Variants in LDAH observed in about 807,000 individuals in gnomAD.
The protein encoded by LDAH is lipid droplet associated hydrolase, also known as lipid droplet-associated hydrolase.
A neutral mutation model predicts 29.6 loss-of-function variants in LDAH; 26 were observed. The observed-to-expected ratio is 0.88, with a 90% confidence interval of 0.64 to 1.22. The LOEUF is 1.22. LDAH is among the 50% of genes most tolerant of loss of function. The pLI is 0.00. For missense variants in LDAH, 344 were observed against 387.3 expected, an observed-to-expected ratio of 0.89 and a Z score of 0.94; for synonymous variants, 117 against 133.0, an observed-to-expected ratio of 0.88 and a Z score of 0.83.
intron 5 of LDAH, among the ~76,000 whole-genome samples, chr2:20,710,102 T>C (rs1345408155): frequency 6.6e-6 from 1 of 151,876 alleles, no homozygotes; most frequent in Non-Finnish European, 1.5e-5. Flanking sequence ...TTGAAGCCAA[T>C]AAAATAATCA....
intron 5 of LDAH, among the ~76,000 whole-genome samples, chr2:20,714,747 T>C (rs1412921059): frequency 3.3e-5 from 5 of 152,174 alleles, no homozygotes; most frequent in Non-Finnish European, 5.9e-5. Flanking sequence ...GAGAATACTA[T>C]AAACACTTCT....
intron 2 of LDAH, among the ~76,000 whole-genome samples, chr2:20,794,091 A>G (rs1572645587): frequency 6.6e-6 from 1 of 152,318 alleles, no homozygotes; most frequent in South Asian, 2.1e-4. Context: ...ATGGCTGAGG[A>G]CACTTCACAA....
At chr2:20,747,028 A>G (rs1667615759) in intron 4 of LDAH, among the ~76,000 whole-genome samples, 1 of 152,070 alleles carries the variant, frequency 6.6e-6, no homozygotes, top group African/African-American at 2.4e-5. Context: ...ATTTATTATT[A>G]TTGTTGTAAT....
rs1222640062 is a variant in LDAH, at chr2:20,684,869, C to G, written c.*2034G>C. ...TCTTCCACTGTTTGTCCATTTTAGT[C>G]TAATCCCTAATGAAACAGAATGAAC... On this transcript the variant is annotated 3_prime_UTR_variant, in exon 7 of 7. Coordinates refer to ENST00000237822, the MANE Select transcript of LDAH (RefSeq NM_021925.4). 1 of 1,547,050 alleles carries G rather than the reference C, an allele frequency of 6.5e-7. No individual in the cohort carries two copies. The highest frequency in any genetic ancestry group is 8.7e-7 in the Non-Finnish European group (1 of 1,145,514).
chr2:20,776,898 G>C (rs1290429129), intron 3 of LDAH, among the ~76,000 whole-genome samples: 11 of 152,164 alleles, frequency 7.2e-5, no homozygotes, highest in Admixed American at 6.5e-5. Context: ...GCAGTACAAA[G>C]ATAAACGGGC....
intron 2 of LDAH, among the ~76,000 whole-genome samples, chr2:20,796,815 CTT>C (rs1013633489): frequency 8.5e-5 from 13 of 152,166 alleles, no homozygotes; most frequent in Non-Finnish European, 1.3e-4. Flanking sequence ...GGCCTAGTAT[CTT>C]TTCATGAGCT....
chr2:20,770,150 C>T (rs915959588), intron 4 of LDAH, among the ~76,000 whole-genome samples: 3 of 151,996 alleles, frequency 2.0e-5, no homozygotes, highest in Non-Finnish European at 4.4e-5. Flanking sequence ...TTGCTGAAGG[C>T]AGATAAGTAA....
intron 6 of LDAH, among the ~76,000 whole-genome samples, chr2:20,701,233 T>C (rs978923870): frequency 1.3e-5 from 2 of 152,178 alleles, no homozygotes; most frequent in African/African-American, 4.8e-5. Flanking sequence ...TTTTCCACTG[T>C]TTCATTTATA....
At chr2:20,813,598 T>C (rs990640703) in intron 1 of LDAH, among the ~76,000 whole-genome samples, 2 of 152,332 alleles carry the variant, frequency 1.3e-5, no homozygotes, top group African/African-American at 4.8e-5. Context: ...CTTTTGTTTT[T>C]ATAGGCCAGA....
At chr2:20,755,747 C>A (rs1668298326) in intron 4 of LDAH, among the ~76,000 whole-genome samples, 1 of 152,194 alleles carries the variant, frequency 6.6e-6, no homozygotes, top group Admixed American at 6.5e-5. Flanking sequence ...GGAAAAGGAA[C>A]ATCATAAAAA....
intron 6 of LDAH, among the ~76,000 whole-genome samples, chr2:20,694,359 C>T (rs906310210): frequency 3.9e-5 from 6 of 152,150 alleles, no homozygotes; most frequent in Admixed American, 6.5e-5. Context: ...TAAAGGAAAC[C>T]GATTCTGTGA....
intron 3 of LDAH, among the ~76,000 whole-genome samples, chr2:20,785,424 C>G (rs1474318085): frequency 6.6e-6 from 1 of 152,212 alleles, no homozygotes; most frequent in Non-Finnish European, 1.5e-5. Flanking sequence ...TAATTCTCAT[C>G]TTCGTTCTTC....
chr2:20,794,829 T>A (rs1207207295), intron 2 of LDAH, among the ~76,000 whole-genome samples: 1 of 152,128 alleles, frequency 6.6e-6, no homozygotes, highest in Admixed American at 6.6e-5. Context: ...GGCACTCACA[T>A]ACAATAAATC....
At chr2:20,736,528 T>C (rs1415222089) in intron 5 of LDAH, among the ~76,000 whole-genome samples, 1 of 152,062 alleles carries the variant, frequency 6.6e-6, no homozygotes, top group African/African-American at 2.4e-5. Flanking sequence ...GACCAAAATA[T>C]ACCATCCCTA....
intron 5 of LDAH, among the ~76,000 whole-genome samples, chr2:20,715,040 A>G (rs1209877856): frequency 2.6e-5 from 4 of 152,176 alleles, no homozygotes; most frequent in African/African-American, 7.2e-5. Flanking sequence ...TATGAGGTCA[A>G]CATCATCCTG....
chr2:20,763,996 C>T (rs189220137), intron 4 of LDAH, among the ~76,000 whole-genome samples: 2 of 149,966 alleles, frequency 1.3e-5, no homozygotes, highest in African/African-American at 2.5e-5. Context: ...TTGAGAAAAA[C>T]ATATTAAGTC....
intron 2 of LDAH, among the ~76,000 whole-genome samples, chr2:20,795,807 A>G (rs1671264466): frequency 6.6e-6 from 1 of 152,226 alleles, no homozygotes; most frequent in Admixed American, 6.5e-5. Context: ...TGCAAAAGCA[A>G]TGTGATTTAA....
At chr2:20,684,028 T>C (rs1386169377), downstream of LDAH, 1 of 152,188 alleles carries the variant, frequency 6.6e-6, no homozygotes, top group Non-Finnish European at 1.5e-5. Context: ...GGAGATAGCA[T>C]GGTGGGGTTT....
intron 4 of LDAH, among the ~76,000 whole-genome samples, chr2:20,767,044 C>T (rs1400624093): frequency 1.3e-5 from 2 of 152,212 alleles, no homozygotes; most frequent in Admixed American, 1.3e-4. Flanking sequence ...TGGGCAGGGC[C>T]ACAATCTGGG....
Sources: gnomAD v4.1 joint callset for allele counts (sites outside exome capture counted in the v4.1 genomes callset) on GRCh38, gnomAD v4.1.1 for gene constraint, MANE v1.5 for transcripts, NCBI Gene and HGNC (gene_info 2026-07-23, HGNC 2026-07-21) for gene names.